Variants in BANF2 observed in about 807,000 individuals in gnomAD.
BANF2 encodes BANF family member 2.
Under a neutral mutation model 8.0 loss-of-function variants are expected in BANF2, and 4 were observed. The ratio of observed to expected loss-of-function variants is 0.50; its 90% CI spans 0.25 to 1.14. The LOEUF (loss-of-function observed/expected upper bound fraction) is 1.14. Ranked by LOEUF, BANF2 falls within the 50% of genes most tolerant of loss-of-function variation. The pLI, the probability that BANF2 is intolerant of heterozygous loss-of-function variation, is 0.16. For missense variants in BANF2, 96 were observed against 107.5 expected, an observed-to-expected ratio of 0.89 and a Z score of 0.47; for synonymous variants, 50 against 40.6, an observed-to-expected ratio of 1.23 and a Z score of -0.88.
At chr20:17,720,880 G>T (rs2037718165) in intron 1 of BANF2, among the ~76,000 whole-genome samples, 2 of 152,192 alleles carry the variant, frequency 1.3e-5, no homozygotes, top group South Asian at 4.1e-4. Context: ...TGGAAGTGAG[G>T]TCTGTGGGCC....
intron 1 of BANF2, chr20:17,712,398 A>T: frequency 3.1e-6 from 1 of 325,086 alleles, no homozygotes; most frequent in Non-Finnish European, 4.4e-6. Flanking sequence ...AAGACACTTC[A>T]GAAGTGACTG....
intron 1 of BANF2, among the ~76,000 whole-genome samples, chr20:17,716,127 C>G (rs879636040): frequency 1.3e-5 from 2 of 152,082 alleles, no homozygotes; most frequent in Non-Finnish European, 2.9e-5. Flanking sequence ...CGTGGTACAC[C>G]CTGAAAAGTA....
At chr20:17,696,894 G>A (rs569817758), upstream of BANF2, among the ~76,000 whole-genome samples, 9 of 152,184 alleles carry the variant, frequency 5.9e-5, no homozygotes, top group East Asian at 7.7e-4. Context: ...GTACTTTCTC[G>A]ACATGGTGTT....
At position 17,735,695 on chromosome 20, in the gene BANF2, A is replaced by T. The variant is rs898737214; in HGVS notation, c.157A>T (p.Met53Leu). Residue 53 changes from methionine to leucine, a missense_variant, in exon 4 of 4, where the codon ATG (methionine) becomes TTG (leucine). Transcript: ENST00000246090. ...CATCCTGCTGGGACAATTCCTTCTG[A>T]TGCACAAGAATGAAGCCGAGTTTCA... Reference protein sequence around the residue: ...AYILLGQFLLMHKNEAEFQRW... With the variant: ...AYILLGQFLLLHKNEAEFQRW... 2.5e-6 allele frequency: 4 copies of T among 1,613,770 alleles called. No individual in the cohort carries two copies. The African/African-American group carries it at 4.0e-5, about 16-fold the overall frequency.
upstream of BANF2, among the ~76,000 whole-genome samples, chr20:17,698,624 T>C (rs138357800): frequency 1.5e-4 from 23 of 152,282 alleles, no homozygotes; most frequent in East Asian, 4.4e-3. Flanking sequence ...TGCCCGCTTG[T>C]AGGCAGGGTG....
chr20:17,701,266 T>A (rs2037405184), intron 1 of BANF2, among the ~76,000 whole-genome samples: 1 of 152,064 alleles, frequency 6.6e-6, no homozygotes, highest in Non-Finnish European at 1.5e-5. Flanking sequence ...GCAGGTTTAA[T>A]TTGGAGAGGA....
At chr20:17,727,431 C>T (rs1032311307) in intron 3 of BANF2, among the ~76,000 whole-genome samples, 3 of 152,164 alleles carry the variant, frequency 2.0e-5, no homozygotes, top group African/African-American at 7.2e-5. Flanking sequence ...CTGGAGCAGC[C>T]GTGGATTGTA....
upstream of BANF2, among the ~76,000 whole-genome samples, chr20:17,695,401 A>G (rs1254286077): frequency 6.7e-6 from 1 of 149,376 alleles, no homozygotes; most frequent in African/African-American, 2.5e-5. Context: ...AGCCATGTTC[A>G]CAAACCTGCA....
chr20:17,715,699 G>A (rs1294383477), intron 1 of BANF2, among the ~76,000 whole-genome samples: 1 of 152,196 alleles, frequency 6.6e-6, no homozygotes, highest in South Asian at 2.1e-4. Context: ...CACAGTGCTC[G>A]GTACACAAAG....
At chr20:17,703,838 C>G (rs1406483768) in intron 1 of BANF2, among the ~76,000 whole-genome samples, 1 of 150,430 alleles carries the variant, frequency 6.6e-6, no homozygotes, top group African/African-American at 2.5e-5. Flanking sequence ...GCCTCCCAAT[C>G]CTGGGTTCAA....
At chr20:17,731,217 C>T (rs916829694) in intron 3 of BANF2, 2 of 152,046 alleles carry the variant, frequency 1.3e-5, no homozygotes, top group Admixed American at 6.6e-5. Flanking sequence ...GAGCCGCTAT[C>T]GTGCCACTGC....
chr20:17,702,573 C>A lies in BANF2; in HGVS notation c.-167+2518C>A, dbSNP rs572589707. ...CTGCTGCCAGTTTCCATGGATGAGG[C>A]CTTGCTGATGCTCCTTGGATAGGAC... On this transcript the variant is annotated intron_variant, in intron 1 of 3. Coordinates refer to ENST00000246090, the MANE Select transcript of BANF2 (RefSeq NM_178477.5). Among the ~76,000 whole-genome samples, 4 of 152,306 alleles carry A rather than the reference C, an allele frequency of 2.6e-5. No individual in the cohort carries two copies. The South Asian group carries it at 6.2e-4, about 24-fold the overall frequency.
intron 3 of BANF2, among the ~76,000 whole-genome samples, chr20:17,729,372 C>G (rs1199360278): frequency 6.6e-6 from 1 of 152,218 alleles, no homozygotes; most frequent in Non-Finnish European, 1.5e-5. Flanking sequence ...TTCTGCCACC[C>G]CACCCAACAG....
chr20:17,697,547 A>G (rs549289432), upstream of BANF2, among the ~76,000 whole-genome samples: 5 of 152,370 alleles, frequency 3.3e-5, no homozygotes, highest in South Asian at 1.0e-3. Context: ...ACTTACAAAG[A>G]ACAGACATCA....
At chr20:17,727,813 C>T (rs1432639616) in intron 3 of BANF2, among the ~76,000 whole-genome samples, 3 of 152,094 alleles carry the variant, frequency 2.0e-5, no homozygotes, top group East Asian at 3.9e-4. Context: ...GACGTGATCT[C>T]GGCTCACTGC....
intron 3 of BANF2, among the ~76,000 whole-genome samples, chr20:17,729,599 G>T (rs73266629): frequency 2.4e-4 from 36 of 152,318 alleles, no homozygotes; most frequent in African/African-American, 8.4e-4. Context: ...AACTGGGTGT[G>T]GTGGTACATG....
At chr20:17,701,085 A>G (rs960484477) in intron 1 of BANF2, among the ~76,000 whole-genome samples, 2 of 152,080 alleles carry the variant, frequency 1.3e-5, no homozygotes, top group African/African-American at 4.8e-5. Flanking sequence ...ATCCCTCCTT[A>G]GTTTTATATG....
At chr20:17,701,063 T>G (rs1248306878) in intron 1 of BANF2, among the ~76,000 whole-genome samples, 5 of 152,166 alleles carry the variant, frequency 3.3e-5, no homozygotes, top group Non-Finnish European at 7.4e-5. Context: ...TATTTTACCC[T>G]TAGGCTTTGC....
chr20:17,710,567 C>T (rs1307975601), intron 1 of BANF2, among the ~76,000 whole-genome samples: 8 of 152,188 alleles, frequency 5.3e-5, no homozygotes, highest in Non-Finnish European at 1.2e-4. Flanking sequence ...TGCCTGTGAT[C>T]CTTATTCTGT....
Sources: allele counts gnomAD v4.1 joint callset (sites outside exome capture counted in the v4.1 genomes callset), GRCh38; gene constraint gnomAD v4.1.1; transcripts MANE v1.5; gene names NCBI Gene and HGNC (gene_info 2026-07-23, HGNC 2026-07-21).